Variants in AGBL3 observed in about 807,000 individuals in gnomAD.
AGBL3 encodes the protein AGBL carboxypeptidase 3, also known as cytosolic carboxypeptidase 3.
In AGBL3, 68 loss-of-function variants were observed where a neutral mutation model predicts 94.5. That is an observed-to-expected ratio of 0.72 (90% CI 0.59 to 0.88). The LOEUF is 0.88. AGBL3 is among the 40% of genes least tolerant of loss of function. The pLI is 0.00. For missense variants in AGBL3, 934 were observed against 1,103.8 expected (o/e 0.85, Z 2.18); for synonymous variants, 354 against 370.7 (o/e 0.95, Z 0.52).
chr7:135,020,524 A>G (rs1004072721), intron 5 of AGBL3, among the ~76,000 whole-genome samples: 3 of 152,232 alleles, frequency 2.0e-5, no homozygotes, highest in Non-Finnish European at 4.4e-5. Flanking sequence ...ATCTAGAACT[A>G]GAAATACCAT....
intron 4 of AGBL3, among the ~76,000 whole-genome samples, chr7:135,005,017 G>T (rs561371993): frequency 1.2e-3 from 183 of 151,556 alleles, no homozygotes; most frequent in African/African-American, 4.3e-3. Flanking sequence ...CAGAGAAATT[G>T]AAAGGATCGT....
intron 7 of AGBL3, 71 bp downstream of exon 7, chr7:135,034,999 CTCAT>C: frequency 7.5e-7 from 1 of 1,325,976 alleles, no homozygotes. Context: ...CTCCCACAAT[CTCAT>C]TCATTTTACT....
intron 16 of AGBL3, chr7:135,129,396 C>A: frequency 1.2e-6 from 1 of 825,326 alleles, no homozygotes; most frequent in Non-Finnish European, 2.2e-6. Flanking sequence ...ACTTTTGGAA[C>A]AAAGGTATGA....
At chr7:135,132,739 CCATGTAAGA>C (rs1401435427) in intron 16 of AGBL3, among the ~76,000 whole-genome samples, 1 of 152,168 alleles carries the variant, frequency 6.6e-6, no homozygotes, top group African/African-American at 2.4e-5. Context: ...TTGCGTGCCA[CCATGTAAGA>C]CATGACTTTG....
At chr7:135,087,921 G>A (rs1306244093) in intron 15 of AGBL3, among the ~76,000 whole-genome samples, 2 of 151,960 alleles carry the variant, frequency 1.3e-5, no homozygotes, top group Non-Finnish European at 1.5e-5. Context: ...ATGTGTTAAA[G>A]TCCTCTTTGA....
At chr7:135,079,072 A>T (rs1443520945) in intron 13 of AGBL3, among the ~76,000 whole-genome samples, 1 of 152,156 alleles carries the variant, frequency 6.6e-6, no homozygotes, top group Non-Finnish European at 1.5e-5. Context: ...TGTGGTCAGA[A>T]ATTGTAGCTC....
intron 16 of AGBL3, among the ~76,000 whole-genome samples, chr7:135,134,605 A>G (rs1829224656): frequency 6.6e-6 from 1 of 152,084 alleles, no homozygotes; most frequent in African/African-American, 2.4e-5. Flanking sequence ...CTGAGGTTAG[A>G]GTAGGTATCC....
intron 5 of AGBL3, among the ~76,000 whole-genome samples, chr7:135,020,293 C>A (rs1814288716): frequency 6.6e-6 from 1 of 152,162 alleles, no homozygotes; most frequent in Non-Finnish European, 1.5e-5. Context: ...ATGCAGCCAA[C>A]AGACACATGA....
At chr7:135,031,494 T>G (rs1023518308) in intron 5 of AGBL3, among the ~76,000 whole-genome samples, 1 of 152,136 alleles carries the variant, frequency 6.6e-6, no homozygotes, top group Admixed American at 6.5e-5. Context: ...CTTGACCTCA[T>G]GATCCACCTT....
chr7:135,087,127 T>G (rs975205399), intron 15 of AGBL3, among the ~76,000 whole-genome samples: 1 of 152,010 alleles, frequency 6.6e-6, no homozygotes, highest in African/African-American at 2.4e-5. Context: ...TCTAATTTGT[T>G]GGAGTACAGT....
intron 15 of AGBL3, among the ~76,000 whole-genome samples, chr7:135,100,627 T>C (rs553511797): frequency 6.6e-4 from 100 of 152,332 alleles, no homozygotes; most frequent in Middle Eastern, 3.4e-3. Flanking sequence ...CCCAGAAATA[T>C]AGAAATTTAG....
At chr7:135,009,018 T>C (rs1331475966) in intron 4 of AGBL3, among the ~76,000 whole-genome samples, 1 of 152,226 alleles carries the variant, frequency 6.6e-6, no homozygotes, top group East Asian at 1.9e-4. Context: ...GGAACCCTTA[T>C]ACACTGCTGT....
chr7:135,126,504 C>T (rs890014272), intron 16 of AGBL3, among the ~76,000 whole-genome samples: 4 of 152,214 alleles, frequency 2.6e-5, no homozygotes, highest in African/African-American at 9.6e-5. Flanking sequence ...CATCAAACTA[C>T]CACTGACATT....
intron 5 of AGBL3, among the ~76,000 whole-genome samples, chr7:135,028,579 C>G (rs1415608355): frequency 6.6e-6 from 1 of 152,214 alleles, no homozygotes; most frequent in Non-Finnish European, 1.5e-5. Flanking sequence ...TCCACCACAT[C>G]TGCAGTTACT....
intron 8 of AGBL3, among the ~76,000 whole-genome samples, chr7:135,038,886 G>A (rs1486721423): frequency 6.6e-6 from 1 of 152,018 alleles, no homozygotes; most frequent in Non-Finnish European, 1.5e-5. Context: ...GTGAACCCAG[G>A]AGGCGGAGCT....
chr7:135,059,361 T>G, intron 12 of AGBL3, 126 bp downstream of exon 12: 1 of 530,866 alleles, frequency 1.9e-6, no homozygotes, highest in Non-Finnish European at 3.2e-6. Context: ...TTTCTAACTA[T>G]GTAGATATTT....
intron 5 of AGBL3, among the ~76,000 whole-genome samples, chr7:135,019,059 C>G (rs935233777): frequency 3.3e-5 from 5 of 152,154 alleles, no homozygotes; most frequent in Non-Finnish European, 7.3e-5. Flanking sequence ...TTAGTTTTGC[C>G]TGATTTTTAG....
chr7:135,010,867 ACT>A (rs1461727914), intron 4 of AGBL3: 2 of 152,142 alleles, frequency 1.3e-5, no homozygotes, highest in Non-Finnish European at 2.9e-5. Context: ...AGATTGGGAG[ACT>A]CATTATTTTA....
At chr7:135,075,030 G>A (rs951690898) in intron 12 of AGBL3, among the ~76,000 whole-genome samples, 1 of 152,090 alleles carries the variant, frequency 6.6e-6, no homozygotes, top group African/African-American at 2.4e-5. Context: ...TGATTAACTT[G>A]CTGTTGTAAG....
Sources: allele counts gnomAD v4.1 joint callset (sites outside exome capture counted in the v4.1 genomes callset), GRCh38; gene constraint gnomAD v4.1.1; transcripts MANE v1.5; gene names NCBI Gene and HGNC (gene_info 2026-07-23, HGNC 2026-07-21).